PSMD1: variants seen among roughly 807,000 people sequenced by gnomAD.
PSMD1 encodes proteasome 26S subunit, non-ATPase 1, also known as 26S proteasome non-ATPase regulatory subunit 1.
A neutral mutation model predicts 119.0 loss-of-function variants in PSMD1; 18 were observed. The observed-to-expected ratio is 0.15, with a 90% CI of 0.10 to 0.22. The LOEUF (loss-of-function observed/expected upper bound fraction) is 0.22, where lower values mean the gene tolerates loss of function less well. Among genes scored for constraint, PSMD1 ranks in the 10% least tolerant of loss-of-function variants. The pLI, the probability that PSMD1 is intolerant of heterozygous loss-of-function variation, is 1.00. For synonymous variants in PSMD1, 374 were observed against 396.6 expected, an observed-to-expected ratio of 0.94 and a Z score of 0.68; for missense variants, 702 against 1,158.5, an observed-to-expected ratio of 0.61 and a Z score of 5.72.
chr2:231,139,633 T>C (rs1696059433), intron 17 of PSMD1, among the ~76,000 whole-genome samples: 1 of 151,348 alleles, frequency 6.6e-6, no homozygotes, highest in South Asian at 2.1e-4. Context: ...ACTACTCAGG[T>C]TATTTTATAT....
rs1003730273 is a variant in PSMD1, at chr2:231,106,298, A to G, written c.1883+19117A>G. On this transcript the variant is annotated intron_variant, in intron 16 of 24. Transcript: ENST00000308696. Reference sequence around the variant, plus strand: ...TCTGGAAATAGTAGAAAGGTCTCTCATTAACTATAGAAAGATCTCTGGGTT... The same window carrying G: ...TCTGGAAATAGTAGAAAGGTCTCTCGTTAACTATAGAAAGATCTCTGGGTT... Among the ~76,000 whole-genome samples, 3 of 152,194 alleles carry G rather than the reference A, an allele frequency of 2.0e-5. 1 individual carries two copies. Among genetic ancestry groups the G allele is most frequent in the Admixed American group, 6.5e-5 (1 of 15,280 alleles).
intron 16 of PSMD1, chr2:231,123,947 A>C (rs190004452): frequency 1.3e-5 from 8 of 615,292 alleles, no homozygotes; most frequent in Non-Finnish European, 2.3e-5. Flanking sequence ...ACATCTGTCC[A>C]TGTTTGTAGG....
chr2:231,083,189 G>A (rs2125173080), intron 13 of PSMD1, among the ~76,000 whole-genome samples, 195 bp downstream of exon 13: 1 of 152,282 alleles, frequency 6.6e-6, no homozygotes, highest in African/African-American at 2.4e-5. Context: ...TTCTAAAATG[G>A]TATATCCTGT....
chr2:231,092,534 T>C (rs1385994033), intron 16 of PSMD1, among the ~76,000 whole-genome samples: 1 of 152,086 alleles, frequency 6.6e-6, no homozygotes, highest in Non-Finnish European at 1.5e-5. Flanking sequence ...TGTCTTGGGG[T>C]GGCATGGACT....
At chr2:231,155,040 GC>G (rs2125261341) in intron 19 of PSMD1, among the ~76,000 whole-genome samples, 1 of 152,306 alleles carries the variant, frequency 6.6e-6, no homozygotes, top group Admixed American at 6.5e-5. Flanking sequence ...TTTGACATAT[GC>G]CTTAACGTTA....
chr2:231,130,105 G>A (rs1363748802), intron 16 of PSMD1, among the ~76,000 whole-genome samples: 3 of 152,044 alleles, frequency 2.0e-5, no homozygotes, highest in Non-Finnish European at 4.4e-5. Context: ...CACCACACCC[G>A]GCCAATGGCA....
At chr2:231,108,939 T>C (rs765850892) in intron 16 of PSMD1, 6 of 1,614,072 alleles carry the variant, frequency 3.7e-6, no homozygotes, top group Admixed American at 1.7e-5. Context: ...ATATTTGTAA[T>C]AAAGAAGGGA....
chr2:231,143,992 T>C (rs1696192169), intron 17 of PSMD1, among the ~76,000 whole-genome samples: 1 of 152,242 alleles, frequency 6.6e-6, no homozygotes, highest in Non-Finnish European at 1.5e-5. Flanking sequence ...GTTTTTTGTT[T>C]GTTTATTTTT....
chr2:231,083,600 T>C lies in PSMD1; in HGVS notation c.1559T>C (p.Met520Thr), dbSNP rs758793267. ...GCTGGCCTGGCCCTAGGTTTGGTTA[T>C]GTTGGGCTCTAAAAATGCTCAGGCT... Reference protein sequence around the residue: ...EAAGLALGLVMLGSKNAQAIE... With the variant: ...EAAGLALGLVTLGSKNAQAIE... The change falls in exon 14 of 25, where the codon ATG (methionine) becomes ACG (threonine). Residue 520 changes from methionine (M) to threonine (T), a missense_variant. By Grantham distance (81) the Met-to-Thr change is moderately conservative. This residue lies in a region of PSMD1 where 272 missense variants were observed against 511.6 expected (regional missense o/e 0.53). Coordinates refer to ENST00000308696, the MANE Select transcript of PSMD1 (RefSeq NM_002807.4). 15 of 1,614,228 alleles carry C rather than the reference T, an allele frequency of 9.3e-6. No homozygotes were observed. The highest frequency in any genetic ancestry group is 2.2e-5 in the East Asian group (1 of 44,884).
At chr2:231,126,126 G>A (rs1000012769) in intron 16 of PSMD1, among the ~76,000 whole-genome samples, 5 of 152,174 alleles carry the variant, frequency 3.3e-5, no homozygotes, top group African/African-American at 1.2e-4. Flanking sequence ...TTTAAGGCAA[G>A]GTGCGGTGGC....
intron 23 of PSMD1, among the ~76,000 whole-genome samples, chr2:231,169,125 TG>T (rs1696854127): frequency 6.6e-6 from 1 of 152,126 alleles, no homozygotes; most frequent in African/African-American, 2.4e-5. Flanking sequence ...CCTTTCCATG[TG>T]TTGATTTGGA....
At chr2:231,098,457 C>CTCTCTCTCTCTT (rs1694778833) in intron 16 of PSMD1, among the ~76,000 whole-genome samples, 1 of 151,794 alleles carries the variant, frequency 6.6e-6, no homozygotes, top group African/African-American at 2.4e-5. Flanking sequence ...TTCTCTCTCT[C>CTCTCTCTCTCTT]TCTGTCTCTT....
chr2:231,072,397 C>T lies in PSMD1; in HGVS notation c.863C>T (p.Pro288Leu), dbSNP rs1041647654. The change falls in exon 7 of 25, where the codon CCG becomes CTG. Residue 288 changes from proline to leucine, a missense_variant. By Grantham distance (98) the Pro-to-Leu change is moderately conservative. Around this residue, in one of 9 missense-constraint regions of PSMD1, gnomAD observed 69 missense variants for 71.6 expected, o/e 0.96. Coordinates refer to ENST00000308696, the MANE Select transcript of PSMD1 (RefSeq NM_002807.4). ...VPGSTNTGTVPGSEKDSDSME... is the reference protein window; with the variant it reads ...VPGSTNTGTVLGSEKDSDSME... ...GGATCCACTAATACGGGTACTGTTC[C>T]GGGATCAGAGAAAGACAGGTATAAG... The T allele has an allele frequency of 2.5e-6, 4 of 1,611,856 alleles. No individual in the cohort carries two copies. The highest frequency in any genetic ancestry group is 1.7e-5 in the Admixed American group (1 of 60,014).
At chr2:231,064,898 G>A (rs567322598) in intron 4 of PSMD1, among the ~76,000 whole-genome samples, 1 of 131,234 alleles carries the variant, frequency 7.6e-6, no homozygotes, top group Non-Finnish European at 1.6e-5. Flanking sequence ...CTGGCCTCAA[G>A]TGATCCACTT....
intron 6 of PSMD1, among the ~76,000 whole-genome samples, chr2:231,070,539 T>G (rs1559218598): frequency 6.6e-6 from 1 of 152,122 alleles, no homozygotes; most frequent in Non-Finnish European, 1.5e-5. Context: ...GTGTATAAAT[T>G]ATATATGGTT....
At chr2:231,162,185 T>G (rs1482757845) in intron 20 of PSMD1, among the ~76,000 whole-genome samples, 1 of 152,228 alleles carries the variant, frequency 6.6e-6, no homozygotes, top group African/African-American at 2.4e-5. Flanking sequence ...GAGTTTGTGT[T>G]TAGGTCTTTC....
intron 16 of PSMD1, among the ~76,000 whole-genome samples, chr2:231,119,654 T>C (rs1695463076): frequency 6.6e-6 from 1 of 152,060 alleles, no homozygotes; most frequent in Non-Finnish European, 1.5e-5. Context: ...GTGGATCACC[T>C]GAGGTCAGGA....
chr2:231,103,329 C>A (rs1245771229), intron 16 of PSMD1, among the ~76,000 whole-genome samples: 3 of 152,182 alleles, frequency 2.0e-5, no homozygotes, highest in African/African-American at 4.8e-5. Context: ...AGACTCTAGA[C>A]AATTTTCACA....
intron 16 of PSMD1, among the ~76,000 whole-genome samples, chr2:231,097,836 G>A (rs545388849): frequency 6.6e-6 from 1 of 152,256 alleles, no homozygotes; most frequent in South Asian, 2.1e-4. Flanking sequence ...GGGTGAAAGG[G>A]ATAGCCAATT....
Sources: gnomAD v4.1 joint callset for allele counts (sites outside exome capture counted in the v4.1 genomes callset) on GRCh38, gnomAD v4.1.1 for gene constraint, gnomAD v4.1.1 regional missense constraint, MANE v1.5 for transcripts, NCBI Gene and HGNC (gene_info 2026-07-23, HGNC 2026-07-21) for gene names.